The following DOK6 variants were observed in gnomAD, a reference collection of about 807,000 sequenced individuals.
DOK6 encodes the protein docking protein 6, also known as downstream of tyrosine kinase 6.
DOK6 carries 22 observed loss-of-function variants against 44.0 expected under a neutral mutation model. The observed-to-expected ratio is 0.50, with a 90% CI of 0.36 to 0.71. The LOEUF (loss-of-function observed/expected upper bound fraction) is 0.71. Among genes scored for constraint, DOK6 ranks in the 30% least tolerant of loss-of-function variants. The pLI is 0.00. For synonymous variants in DOK6, 166 were observed against 145.5 expected, an observed-to-expected ratio of 1.14 and a Z score of -1.01; for missense variants, 340 against 416.4, an observed-to-expected ratio of 0.82 and a Z score of 1.60.
At chr18:69,674,716 T>C (rs539187085) in intron 3 of DOK6, among the ~76,000 whole-genome samples, 19 of 152,154 alleles carry the variant, frequency 1.2e-4, no homozygotes, top group African/African-American at 4.6e-4. Context: ...CTTGCCCTGA[T>C]ACTTTCACTC....
intron 3 of DOK6, among the ~76,000 whole-genome samples, chr18:69,627,479 C>G (rs145543575): frequency 6.6e-6 from 1 of 152,004 alleles, no homozygotes. Context: ...GACGGAGTCT[C>G]GCTTTGTCCC....
chr18:69,584,087 A>G (rs12960461), intron 2 of DOK6, among the ~76,000 whole-genome samples: 82 of 132,668 alleles, frequency 6.2e-4, no homozygotes, highest in Middle Eastern at 4.5e-3. Context: ...CAGCCTGGGC[A>G]ACACAGTGAG....
chr18:69,766,134 G>A (rs1421945587), intron 7 of DOK6, among the ~76,000 whole-genome samples: 13 of 152,186 alleles, frequency 8.5e-5, no homozygotes, highest in Admixed American at 8.5e-4. Context: ...GGATGTAGCT[G>A]GAGGCTATTA....
At chr18:69,446,330 G>A (rs1241022020) in intron 1 of DOK6, among the ~76,000 whole-genome samples, 1 of 151,460 alleles carries the variant, frequency 6.6e-6, no homozygotes, top group Non-Finnish European at 1.5e-5. Flanking sequence ...CCTTGCGATA[G>A]TTTGCTGAGA....
At chr18:69,835,336 G>A (rs1051685459) in intron 7 of DOK6, among the ~76,000 whole-genome samples, 1 of 151,936 alleles carries the variant, frequency 6.6e-6, no homozygotes, top group African/African-American at 2.4e-5. Context: ...ATGGTGGTGG[G>A]CGCCTGTAGT....
chr18:69,833,741 C>T (rs1981966510), intron 7 of DOK6, among the ~76,000 whole-genome samples: 1 of 151,922 alleles, frequency 6.6e-6, no homozygotes, highest in African/African-American at 2.4e-5. Context: ...TAAAAATAAG[C>T]AAACTCCTGA....
intron 7 of DOK6, among the ~76,000 whole-genome samples, chr18:69,781,853 A>G (rs1599322909): frequency 6.6e-6 from 1 of 152,170 alleles, no homozygotes; most frequent in Admixed American, 6.5e-5. Context: ...CTTCATATTT[A>G]CCTTTGAAAG....
intron 7 of DOK6, among the ~76,000 whole-genome samples, chr18:69,813,633 T>C (rs1344944441): frequency 6.6e-6 from 1 of 152,138 alleles, no homozygotes; most frequent in Non-Finnish European, 1.5e-5. Flanking sequence ...GGGTTTCATC[T>C]TGGGGGTTAA....
At chr18:69,578,507 G>A (rs1983290217) in intron 2 of DOK6, among the ~76,000 whole-genome samples, 1 of 152,164 alleles carries the variant, frequency 6.6e-6, no homozygotes, top group South Asian at 2.1e-4. Context: ...AAATCAGATA[G>A]TGTGAAAGAA....
Position 69,814,807 on chromosome 18 carries a change from G to A in DOK6, c.857-26437G>A, listed in dbSNP as rs571750324. ...GGGGAAAGTCCACCCCCATGGTTCG[G>A]GCACTTTCCACCAGGACCCTCCCCC... On this transcript the variant is annotated intron_variant, in intron 7 of 7. Coordinates refer to ENST00000382713, the MANE Select transcript of DOK6 (RefSeq NM_152721.6). Among the ~76,000 whole-genome samples, 3 of 152,116 alleles carry A rather than the reference G, an allele frequency of 2.0e-5. No homozygotes were observed. In the East Asian group the frequency reaches 5.8e-4, roughly 29 times the overall value.
intron 1 of DOK6, among the ~76,000 whole-genome samples, chr18:69,508,472 C>T (rs1981257412): frequency 6.6e-6 from 1 of 152,172 alleles, no homozygotes; most frequent in Non-Finnish European, 1.5e-5. Flanking sequence ...GTGAAATCAT[C>T]TGTACCTTTC....
chr18:69,532,234 C>G (rs1401473683), intron 1 of DOK6, among the ~76,000 whole-genome samples: 4 of 152,190 alleles, frequency 2.6e-5, no homozygotes, highest in African/African-American at 9.7e-5. Flanking sequence ...CCTATCTGAA[C>G]AGAGCTCTGG....
intron 1 of DOK6, among the ~76,000 whole-genome samples, chr18:69,447,110 T>C (rs1042479137): frequency 3.9e-5 from 6 of 152,240 alleles, no homozygotes; most frequent in African/African-American, 1.4e-4. Context: ...TTTGGTGTTT[T>C]AGACATGAAG....
intron 7 of DOK6, among the ~76,000 whole-genome samples, chr18:69,799,586 CA>C (rs1265213908): frequency 1.3e-5 from 2 of 152,058 alleles, no homozygotes; most frequent in East Asian, 3.9e-4. Flanking sequence ...TTCAAGATCA[CA>C]AAATGCCCCT....
At chr18:69,485,085 G>A (rs879482833) in intron 1 of DOK6, among the ~76,000 whole-genome samples, 9 of 152,114 alleles carry the variant, frequency 5.9e-5, no homozygotes, top group Non-Finnish European at 1.0e-4. Context: ...TGCAAATACA[G>A]AGTCCACTAA....
chr18:69,739,551 A>C (rs1322549641), intron 6 of DOK6, among the ~76,000 whole-genome samples: 1 of 152,186 alleles, frequency 6.6e-6, no homozygotes, highest in East Asian at 1.9e-4. Flanking sequence ...ATGTATAATA[A>C]AATGTTTACA....
intron 1 of DOK6, 46 bp from the exon 2 acceptor site, chr18:69,564,441 A>G (rs1189445110): frequency 1.3e-6 from 2 of 1,553,446 alleles, no homozygotes; most frequent in Admixed American, 1.7e-5. Context: ...AATGTCGTAA[A>G]CTCATGTAAA....
chr18:69,470,851 C>T (rs1045426614), intron 1 of DOK6, among the ~76,000 whole-genome samples: 8 of 152,152 alleles, frequency 5.3e-5, no homozygotes, highest in African/African-American at 1.9e-4. Flanking sequence ...GGGGATAAAG[C>T]AGTCAGGTCC....
At chr18:69,698,651 A>G (rs1362356329) in intron 5 of DOK6, 58 bp downstream of exon 5, 4 of 1,534,460 alleles carry the variant, frequency 2.6e-6, no homozygotes, top group Non-Finnish European at 3.5e-6. Flanking sequence ...AGTCTGTATA[A>G]CAGAGTCCTG....
Sources: gnomAD v4.1 joint callset for allele counts (sites outside exome capture counted in the v4.1 genomes callset) on GRCh38, gnomAD v4.1.1 for gene constraint, MANE v1.5 for transcripts, NCBI Gene and HGNC (gene_info 2026-07-23, HGNC 2026-07-21) for gene names.